Variants in PCSK6 observed in about 807,000 individuals in gnomAD.
The protein encoded by PCSK6 is proprotein convertase subtilisin/kexin type 6.
Under a neutral mutation model 123.3 loss-of-function variants are expected in PCSK6, and 85 were observed. The observed-to-expected ratio is 0.69, with a 90% CI of 0.58 to 0.83. PCSK6 has a LOEUF of 0.83. Ranked by LOEUF, PCSK6 falls within the 40% of genes least tolerant of loss-of-function variation. The probability of loss-of-function intolerance (pLI) is 0.00; values close to 1 mark genes in which losing one functional copy is unlikely to be tolerated. For synonymous variants in PCSK6, 508 were observed against 516.0 expected (o/e 0.98, Z 0.21); for missense variants, 1,191 against 1,282.3 (o/e 0.93, Z 1.09).
chr15:101,481,868 G>C (rs2057894628), intron 1 of PCSK6, among the ~76,000 whole-genome samples: 1 of 152,244 alleles, frequency 6.6e-6, no homozygotes, highest in Admixed American at 6.5e-5. Flanking sequence ...AGAAGGACTG[G>C]AGGGCTTTTC....
intron 11 of PCSK6, 133 bp from the exon 12 acceptor site, chr15:101,370,656 GC>G: frequency 1.3e-6 from 1 of 745,442 alleles, no homozygotes; most frequent in Non-Finnish European, 1.9e-6. Context: ...GGGAGCCGCA[GC>G]AGCCTCTGAC....
At chr15:101,434,523 G>A (rs556324438) in intron 2 of PCSK6, among the ~76,000 whole-genome samples, 88 of 152,346 alleles carry the variant, frequency 5.8e-4, no homozygotes, top group African/African-American at 2.1e-3. Context: ...GTCCTTGCTG[G>A]GCTCTGGGCA....
intron 1 of PCSK6, among the ~76,000 whole-genome samples, chr15:101,461,393 C>T (rs1204690651): frequency 6.6e-6 from 1 of 152,188 alleles, no homozygotes; most frequent in Non-Finnish European, 1.5e-5. Context: ...TCACACAGAA[C>T]AGGCCTAGAC....
At chr15:101,341,492 C>A (rs1458155030) in intron 13 of PCSK6, among the ~76,000 whole-genome samples, 1 of 152,064 alleles carries the variant, frequency 6.6e-6, no homozygotes, top group Non-Finnish European at 1.5e-5. Context: ...GAACTCCTCA[C>A]CTCAGGTGAT....
At chr15:101,312,964 C>T in intron 20 of PCSK6, 1 of 1,021,260 alleles carries the variant, frequency 9.8e-7, no homozygotes, top group Admixed American at 4.3e-5. Flanking sequence ...GAGGTCACAC[C>T]AGTGCACTCC....
intron 20 of PCSK6, chr15:101,308,602 G>A (rs2039777677): frequency 6.6e-6 from 1 of 152,072 alleles, no homozygotes; most frequent in Admixed American, 6.6e-5. Flanking sequence ...AAACCCCACA[G>A]GCAAACTCAC....
At chr15:101,406,356 C>T (rs931063759) in intron 6 of PCSK6, among the ~76,000 whole-genome samples, 3 of 152,078 alleles carry the variant, frequency 2.0e-5, no homozygotes, top group Non-Finnish European at 1.5e-5. Flanking sequence ...TTGCCTTCAG[C>T]GAATGAATGG....
intron 19 of PCSK6, among the ~76,000 whole-genome samples, chr15:101,315,176 A>C (rs971607819): frequency 2.0e-5 from 3 of 152,252 alleles, no homozygotes; most frequent in Non-Finnish European, 4.4e-5. Flanking sequence ...TTGTTAAAAC[A>C]CATTTATTTG....
chr15:101,364,528 AG>A (rs2041332438), intron 13 of PCSK6, among the ~76,000 whole-genome samples: 1 of 152,368 alleles, frequency 6.6e-6, no homozygotes, highest in East Asian at 1.9e-4. Context: ...ACAATCCAAA[AG>A]AAAAATTAAG....
At chr15:101,444,421 A>G (rs1457408339) in intron 1 of PCSK6, among the ~76,000 whole-genome samples, 3 of 152,174 alleles carry the variant, frequency 2.0e-5, no homozygotes, top group Non-Finnish European at 4.4e-5. Context: ...CTAGTTGATC[A>G]CCATCCTCCA....
chr15:101,431,188 G>T, intron 4 of PCSK6, 132 bp downstream of exon 4: 1 of 897,328 alleles, frequency 1.1e-6, no homozygotes, highest in Non-Finnish European at 1.7e-6. Context: ...ATTCTTTCCA[G>T]CATAGTTTTC....
At chr15:101,458,723 G>A (rs549368945) in intron 1 of PCSK6, among the ~76,000 whole-genome samples, 3 of 152,172 alleles carry the variant, frequency 2.0e-5, no homozygotes, top group South Asian at 4.2e-4. Context: ...TCTCCCCAGC[G>A]GCAACCACAG....
chr15:101,346,057 G>A (rs2040721366), intron 13 of PCSK6, among the ~76,000 whole-genome samples: 1 of 152,244 alleles, frequency 6.6e-6, no homozygotes, highest in Admixed American at 6.5e-5. Flanking sequence ...AGTTAAGGAA[G>A]GGTATCATCT....
chr15:101,342,772 C>G (rs957346577), intron 13 of PCSK6, among the ~76,000 whole-genome samples: 1 of 152,196 alleles, frequency 6.6e-6, no homozygotes, highest in African/African-American at 2.4e-5. Flanking sequence ...TGTGGTGGCG[C>G]ATGCCTGTAA....
In PCSK6 at chr15:101,489,164, CCCA is replaced by C. The variant is rs1240791416; in HGVS notation, c.297+207_297+209del. Among the ~76,000 whole-genome samples, 8 of 88,570 alleles carry C rather than the reference CCCA, an allele frequency of 9.0e-5. No individual in the cohort carries two copies. In the East Asian group the frequency reaches 2.2e-3, roughly 24 times the overall value. The allele number at this position is 88,570 out of a possible 152,430, so 58.1% of individuals were successfully genotyped here. A position where few individuals can be genotyped will look rare whatever the true frequency, so the allele number is the denominator to read the frequency against. ...GCGCCCACGCGGGACCCCAGTCCCCCCCACCCCGCCGAGTGTCCCGCGCGCGCC... is the reference window on the plus strand; with the variant it reads ...GCGCCCACGCGGGACCCCAGTCCCCCCCCCGCCGAGTGTCCCGCGCGCGCC... On this transcript the variant is annotated intron_variant, in intron 1 of 21. Transcript: ENST00000611716.
At chr15:101,455,186 A>C (rs2057147029) in intron 1 of PCSK6, among the ~76,000 whole-genome samples, 2 of 152,142 alleles carry the variant, frequency 1.3e-5, no homozygotes, top group Non-Finnish European at 2.9e-5. Flanking sequence ...TCTCCTCTGC[A>C]TTCTGTCCCC....
At position 101,408,918 on chromosome 15, in the gene PCSK6, A is replaced by C. The variant is rs74642952; in HGVS notation, c.824-10342T>G. Among the ~76,000 whole-genome samples, 362 of 152,344 alleles carry C rather than the reference A, an allele frequency of 2.4e-3. 1 individual carries two copies. The highest frequency in any genetic ancestry group is 8.4e-3 in the African/African-American group (349 of 41,586). On this transcript the variant is annotated intron_variant, in intron 6 of 21. Coordinates refer to ENST00000611716, the MANE Select transcript of PCSK6 (RefSeq NM_002570.5). The stretch of plus-strand genomic sequence containing the variant: ...AAGGAAAAACATGATTCAGTTCCCC[A>C]ATCAAAATATGGAGCAAAAACACCA...
intron 1 of PCSK6, among the ~76,000 whole-genome samples, chr15:101,449,175 A>C (rs2056969159): frequency 6.6e-6 from 1 of 152,244 alleles, no homozygotes; most frequent in Non-Finnish European, 1.5e-5. Flanking sequence ...TCATATTTGC[A>C]TACAACCTAC....
At chr15:101,325,598 G>A (rs1456399660) in intron 16 of PCSK6, among the ~76,000 whole-genome samples, 2 of 152,236 alleles carry the variant, frequency 1.3e-5, no homozygotes, top group African/African-American at 4.8e-5. Flanking sequence ...GCAGTGTCCT[G>A]TCATCGTGGC....
Sources: allele counts gnomAD v4.1 joint callset (sites outside exome capture counted in the v4.1 genomes callset), GRCh38; gene constraint gnomAD v4.1.1; transcripts MANE v1.5; gene names NCBI Gene and HGNC (gene_info 2026-07-23, HGNC 2026-07-21).